CEP112: variants seen among roughly 807,000 people sequenced by gnomAD.
CEP112 encodes the protein centrosomal protein 112, also known as centrosomal protein of 112 kDa.
A neutral mutation model predicts 153.0 loss-of-function variants in CEP112; 127 were observed. The observed-to-expected ratio is 0.83, with a 90% CI of 0.72 to 0.96. CEP112 has a LOEUF of 0.96. Ranked by LOEUF, CEP112 falls within the 40% of genes least tolerant of loss-of-function variation. CEP112 has a pLI of 0.00. For synonymous variants in CEP112, 358 were observed against 374.4 expected (o/e 0.96, Z 0.51); for missense variants, 1,089 against 1,101.2 (o/e 0.99, Z 0.16).
chr17:65,821,200 A>C (rs1025748192), intron 21 of CEP112, among the ~76,000 whole-genome samples: 2 of 151,822 alleles, frequency 1.3e-5, no homozygotes, highest in Non-Finnish European at 2.9e-5. Context: ...GATACAGGCT[A>C]TGTAATTACT....
intron 6 of CEP112, among the ~76,000 whole-genome samples, chr17:66,118,198 G>A (rs938871752): frequency 1.3e-5 from 2 of 152,114 alleles, no homozygotes; most frequent in African/African-American, 4.8e-5. Flanking sequence ...ATATGGAAGA[G>A]ATATCTAATA....
intron 21 of CEP112, among the ~76,000 whole-genome samples, chr17:65,790,515 C>A (rs925997534): frequency 1.3e-5 from 2 of 152,136 alleles, no homozygotes; most frequent in African/African-American, 4.8e-5. Context: ...CCAGCTTGGG[C>A]CCAGCTGGCT....
chr17:65,657,369 G>T (rs2046113772), intron 24 of CEP112, among the ~76,000 whole-genome samples: 1 of 152,104 alleles, frequency 6.6e-6, no homozygotes, highest in Non-Finnish European at 1.5e-5. Flanking sequence ...GCTGGTACAG[G>T]TCCTAAAGCA....
intron 18 of CEP112, among the ~76,000 whole-genome samples, chr17:65,928,570 T>C (rs540013510): frequency 1.3e-5 from 2 of 152,254 alleles, no homozygotes; most frequent in East Asian, 1.9e-4. Flanking sequence ...ATTCTTACAG[T>C]AGAATATTAT....
At chr17:65,966,616 G>A (rs191825097) in intron 17 of CEP112, among the ~76,000 whole-genome samples, 23 of 152,242 alleles carry the variant, frequency 1.5e-4, no homozygotes, top group Admixed American at 5.9e-4. Flanking sequence ...ACTCACAAGC[G>A]GCAATATCAC....
intron 24 of CEP112, among the ~76,000 whole-genome samples, chr17:65,686,568 C>T (rs1337894052): frequency 1.3e-5 from 2 of 152,182 alleles, no homozygotes; most frequent in African/African-American, 4.8e-5. Flanking sequence ...CTTGTCTCTT[C>T]TTCTTCTTTT....
chr17:65,940,869 G>A (rs2061484494), intron 18 of CEP112, among the ~76,000 whole-genome samples: 1 of 152,120 alleles, frequency 6.6e-6, no homozygotes, highest in Non-Finnish European at 1.5e-5. Context: ...ATTGGTAAGA[G>A]AGTATATTTC....
intron 17 of CEP112, among the ~76,000 whole-genome samples, chr17:65,969,985 C>A (rs1414315890): frequency 6.6e-6 from 1 of 152,148 alleles, no homozygotes; most frequent in Admixed American, 6.5e-5. Context: ...GCATATCACA[C>A]GCATGTTACA....
At chr17:66,115,271 G>A (rs1358883912) in intron 6 of CEP112, among the ~76,000 whole-genome samples, 1 of 152,170 alleles carries the variant, frequency 6.6e-6, no homozygotes, top group South Asian at 2.1e-4. Context: ...CTAGCACACA[G>A]TGCTGCTGAG....
intron 21 of CEP112, among the ~76,000 whole-genome samples, chr17:65,772,364 T>A (rs986042536): frequency 6.6e-6 from 1 of 151,974 alleles, no homozygotes; most frequent in Admixed American, 6.6e-5. Flanking sequence ...GATGTATAGA[T>A]CTGAAAAAGA....
At chr17:66,091,822 G>A (rs2068142301) in intron 8 of CEP112, among the ~76,000 whole-genome samples, 1 of 151,894 alleles carries the variant, frequency 6.6e-6, no homozygotes, top group Non-Finnish European at 1.5e-5. Context: ...AGACAAATAA[G>A]TAAAATAAGA....
chr17:65,776,243 CT>C (rs138076907), intron 21 of CEP112, among the ~76,000 whole-genome samples: 6 of 151,482 alleles, frequency 4.0e-5, no homozygotes, highest in African/African-American at 9.7e-5. Context: ...CCCCCATCCC[CT>C]TTTTTTTTGA....
intron 21 of CEP112, among the ~76,000 whole-genome samples, chr17:65,767,432 T>A (rs957732742): frequency 2.6e-5 from 4 of 151,912 alleles, no homozygotes; most frequent in African/African-American, 9.7e-5. Flanking sequence ...TGTCTACATT[T>A]AAAAAGAAGA....
In CEP112 at chr17:65,722,742, A is replaced by C. The variant is rs1469767281; in HGVS notation, c.2607+20326T>G. On this transcript the variant is annotated intron_variant, in intron 23 of 26. Coordinates refer to ENST00000535342, the MANE Select transcript of CEP112 (RefSeq NM_001199165.4). ...GAGAGAGAACACGATGTTTGAGAAC[A>C]GAGTGATGGTGAGCTTAAGTGGAAA... 2.6e-5 allele frequency among the ~76,000 whole-genome samples: 4 copies of C among 152,266 alleles called. No individual in the cohort carries two copies. In the East Asian group the frequency reaches 7.7e-4, roughly 29 times the overall value.
intron 11 of CEP112, among the ~76,000 whole-genome samples, chr17:66,060,752 G>A (rs148842287): frequency 3.2e-4 from 49 of 152,040 alleles, no homozygotes; most frequent in African/African-American, 1.2e-3. Flanking sequence ...CACAAAAATC[G>A]ACGCAAAATG....
chr17:66,024,962 A>C (rs745652495), intron 16 of CEP112, among the ~76,000 whole-genome samples: 17 of 152,190 alleles, frequency 1.1e-4, no homozygotes, highest in Non-Finnish European at 2.4e-4. Flanking sequence ...AGAACAGAAT[A>C]CAGAACCCAG....
At chr17:65,676,351 C>G (rs904920858) in intron 24 of CEP112, among the ~76,000 whole-genome samples, 2 of 146,370 alleles carry the variant, frequency 1.4e-5, no homozygotes, top group South Asian at 2.2e-4. Context: ...AAAAAAGAAG[C>G]CATTAAAAAT....
chr17:65,901,372 C>T (rs1272640601), intron 20 of CEP112, among the ~76,000 whole-genome samples: 2 of 152,148 alleles, frequency 1.3e-5, no homozygotes, highest in African/African-American at 4.8e-5. Flanking sequence ...TCACAGCAAT[C>T]TCAAGAGGAT....
chr17:66,063,149 A>G, intron 10 of CEP112, 68 bp from the exon 11 acceptor site: 1 of 618,370 alleles, frequency 1.6e-6, no homozygotes, highest in Middle Eastern at 3.3e-4. Context: ...TATAAAATTT[A>G]GTGCACCAGT....
Sources: allele counts gnomAD v4.1 joint callset (sites outside exome capture counted in the v4.1 genomes callset), GRCh38; gene constraint gnomAD v4.1.1; transcripts MANE v1.5; gene names NCBI Gene and HGNC (gene_info 2026-07-23, HGNC 2026-07-21).